BLM: variants seen among roughly 807,000 people sequenced by gnomAD.
The protein encoded by BLM is BLM RecQ like helicase.
A neutral mutation model predicts 135.3 loss-of-function variants in BLM; 95 were observed. The observed-to-expected ratio is 0.70, with a 90% CI of 0.59 to 0.83. BLM has a LOEUF of 0.83. Ranked by LOEUF, BLM falls within the 40% of genes least tolerant of loss-of-function variation. BLM has a pLI of 0.00. For synonymous variants in BLM, 520 were observed against 589.2 expected (o/e 0.88, Z 1.70); for missense variants, 1,518 against 1,663.9 (o/e 0.91, Z 1.53).
chr15:90,767,594 A>G (rs1298054648), intron 10 of BLM, among the ~76,000 whole-genome samples: 1 of 152,204 alleles, frequency 6.6e-6, no homozygotes, highest in Non-Finnish European at 1.5e-5. Flanking sequence ...CTTGAATATC[A>G]CAGAAACAGT....
chr15:90,808,042 G>C (rs1473678063), intron 19 of BLM, among the ~76,000 whole-genome samples: 2 of 152,172 alleles, frequency 1.3e-5, no homozygotes, highest in African/African-American at 2.4e-5. Flanking sequence ...TTTATGATAT[G>C]TTATTTCTAG....
chr15:90,720,981 C>T (rs1295318385), intron 1 of BLM, among the ~76,000 whole-genome samples: 1 of 152,048 alleles, frequency 6.6e-6, no homozygotes, highest in African/African-American at 2.4e-5. Flanking sequence ...TTGCTTGAGC[C>T]TGGGAGTTCA....
At chr15:90,785,108 A>T (rs550227549) in intron 14 of BLM, 27 bp downstream of exon 14, 2 of 1,601,654 alleles carry the variant, frequency 1.2e-6, no homozygotes, top group African/African-American at 2.7e-5. Context: ...TAAACAAATA[A>T]TAGAAATAAT....
intron 20 of BLM, among the ~76,000 whole-genome samples, chr15:90,810,073 CTT>C (rs35012069): frequency 7.6e-5 from 11 of 143,928 alleles, no homozygotes; most frequent in African/African-American, 7.6e-5. Context: ...TACCTAGTCG[CTT>C]TTTTTTTTTT....
chr15:90,747,490 C>T lies in BLM; in HGVS notation c.98C>T (p.Ser33Leu), dbSNP rs139282091. The change falls in exon 2 of 22, where the codon TCA (serine) becomes TTA (leucine). Residue 33 changes from serine (S) to leucine (L), a missense_variant and splice_region_variant. This residue lies in a region of BLM where 724 missense variants were observed against 756.9 expected (regional missense o/e 0.96). Coordinates refer to ENST00000355112, the MANE Select transcript of BLM (RefSeq NM_000057.4). ...NKLSLSKPKF[S>L]GFTFKKKTSS... Reference sequence around the variant, plus strand: ...TTAAGTCTTTCAAAACCAAAATTTTCGTAAGTGTTTTGACTGGTTTGCTGT... The same window carrying T: ...TTAAGTCTTTCAAAACCAAAATTTTTGTAAGTGTTTTGACTGGTTTGCTGT... The T allele has an allele frequency of 1.4e-5, 22 of 1,592,964 alleles. No homozygotes were observed. The highest frequency in any genetic ancestry group is 4.0e-5 in the African/African-American group (3 of 74,650).
At chr15:90,745,395 A>T (rs1443554006) in intron 1 of BLM, among the ~76,000 whole-genome samples, 1 of 152,166 alleles carries the variant, frequency 6.6e-6, no homozygotes, top group Non-Finnish European at 1.5e-5. Context: ...TATGTAAGGG[A>T]TACAAGTGTA....
rs1427814012 is a variant in BLM at position 90,754,690 on chromosome 15, A to G, written c.960-121A>G. 9.6e-6 allele frequency: 11 copies of G among 1,141,284 alleles called. No homozygotes were observed. In the East Asian group the frequency reaches 1.8e-4, roughly 19 times the overall value. 70.7% of individuals were successfully genotyped at this position (1,141,284 alleles called of 1,614,324 possible). Reference sequence around the variant, plus strand: ...TATAATTGAGGAAATTTAAAAAACTACTTCTCTTTTCTGTTATATATTGTC... The same window carrying G: ...TATAATTGAGGAAATTTAAAAAACTGCTTCTCTTTTCTGTTATATATTGTC... On this transcript the variant is annotated intron_variant, in intron 4 of 21. Transcript: ENST00000355112.
At chr15:90,809,071 G>T (rs553703336) in intron 19 of BLM, 66 bp from the exon 20 acceptor site, 9 of 1,600,678 alleles carry the variant, frequency 5.6e-6, no homozygotes, top group Non-Finnish European at 6.8e-6. Flanking sequence ...ATGCGTGAAT[G>T]AGCCTGAATT....
intron 12 of BLM, among the ~76,000 whole-genome samples, chr15:90,773,286 G>T (rs1378075076): frequency 6.6e-6 from 1 of 151,620 alleles, no homozygotes; most frequent in African/African-American, 2.4e-5. Context: ...CAGGTGTGGT[G>T]GTGGGCGCCT....
chr15:90,778,341 T>C (rs988087711), intron 12 of BLM, among the ~76,000 whole-genome samples: 4 of 152,258 alleles, frequency 2.6e-5, no homozygotes, highest in African/African-American at 9.6e-5. Flanking sequence ...ATTCAGATTA[T>C]GTGCCAGATG....
chr15:90,771,968 C>T (rs763625522), intron 12 of BLM, among the ~76,000 whole-genome samples: 16 of 152,100 alleles, frequency 1.1e-4, no homozygotes, highest in Non-Finnish European at 2.2e-4. Context: ...TGTGGATTTC[C>T]AGTCTCCAGC....
intron 4 of BLM, among the ~76,000 whole-genome samples, chr15:90,752,575 T>A (rs1365011658): frequency 6.6e-6 from 1 of 152,228 alleles, no homozygotes; most frequent in East Asian, 1.9e-4. Context: ...ATATGGGAAG[T>A]GAATTAGGAC....
intron 21 of BLM, among the ~76,000 whole-genome samples, chr15:90,812,068 A>T (rs1897435841): frequency 6.6e-6 from 1 of 152,194 alleles, no homozygotes; most frequent in African/African-American, 2.4e-5. Flanking sequence ...CACCTACAAT[A>T]CTATAAATCA....
At chr15:90,801,822 A>T (rs1158081252) in intron 17 of BLM, among the ~76,000 whole-genome samples, 1 of 152,192 alleles carries the variant, frequency 6.6e-6, no homozygotes, top group Non-Finnish European at 1.5e-5. Flanking sequence ...TTGGGAGGCC[A>T]AGACAGACGG....
At chr15:90,759,956 C>CTT (rs367763242) in intron 5 of BLM, 191 bp from the exon 6 acceptor site, 1,106 of 305,100 alleles carry the variant, frequency 3.6e-3, no homozygotes, top group South Asian at 6.7e-3. Flanking sequence ...GATCTTAAGA[C>CTT]TTTTTTTTTT....
At position 90,794,326 on chromosome 15, in the gene BLM, A is replaced by T. The variant is rs1377802274; in HGVS notation, c.3179A>T (p.Asp1060Val). The change falls in exon 16 of 22, where the codon GAT (aspartate) becomes GTT (valine). Residue 1060 changes from aspartate to valine, a missense_variant. Transcript: ENST00000355112. Reference protein sequence around the residue: ...FNPDFCKKHPDVSCDNCCKTK... With the variant: ...FNPDFCKKHPVVSCDNCCKTK... ...CCTGATTTTTGTAAGAAACACCCAG[A>T]TGTTTCTTGTGATAATTGCTGTAAA... The T allele has an allele frequency of 6.2e-7, 1 of 1,603,046 alleles. No individual in the cohort carries two copies.
chr15:90,747,603 A>G, intron 2 of BLM, 113 bp downstream of exon 2: 1 of 757,360 alleles, frequency 1.3e-6, no homozygotes, highest in East Asian at 2.7e-5. Flanking sequence ...TGAAGCTGAG[A>G]GATTCATTGA....
intron 12 of BLM, among the ~76,000 whole-genome samples, chr15:90,776,591 G>A (rs531848573): frequency 6.6e-5 from 10 of 152,148 alleles, no homozygotes; most frequent in South Asian, 2.1e-4. Flanking sequence ...GTGCGATCTC[G>A]GCTCACTGCA....
intron 2 of BLM, among the ~76,000 whole-genome samples, chr15:90,748,345 T>C (rs1009687419): frequency 2.0e-5 from 3 of 151,802 alleles, no homozygotes; most frequent in African/African-American, 7.3e-5. Context: ...TGACCTCAAG[T>C]GATCCGCCCA....
Sources: allele counts gnomAD v4.1 joint callset (sites outside exome capture counted in the v4.1 genomes callset), GRCh38; gene constraint gnomAD v4.1.1; regional missense constraint gnomAD v4.1.1; transcripts MANE v1.5; gene names NCBI Gene and HGNC (gene_info 2026-07-23, HGNC 2026-07-21).